The following FGGY variants were observed in gnomAD, a reference collection of about 807,000 sequenced individuals.
FGGY encodes the protein FGGY carbohydrate kinase domain-containing protein.
In FGGY, 72 loss-of-function variants were observed where a neutral mutation model predicts 71.3. That is an observed-to-expected ratio of 1.01 (90% confidence interval 0.84 to 1.23). The LOEUF is 1.23. Ranked by LOEUF, FGGY falls within the 50% of genes most tolerant of loss-of-function variation. The pLI, the probability that FGGY is intolerant of heterozygous loss-of-function variation, is 0.00. For missense variants in FGGY, 668 were observed against 682.3 expected, an observed-to-expected ratio of 0.98 and a Z score of 0.23; for synonymous variants, 251 against 250.3, an observed-to-expected ratio of 1.00 and a Z score of -0.02.
chr1:59,704,383 T>C (rs898279516), intron 14 of FGGY, among the ~76,000 whole-genome samples: 2 of 152,216 alleles, frequency 1.3e-5, no homozygotes, highest in South Asian at 4.1e-4. Flanking sequence ...TAGGAATATA[T>C]AGAGTAAAAG....
chr1:59,330,502 G>T (rs1186019963), intron 2 of FGGY, among the ~76,000 whole-genome samples: 3 of 151,502 alleles, frequency 2.0e-5, no homozygotes, highest in African/African-American at 7.3e-5. Flanking sequence ...CCGGGAGGCG[G>T]AGGTTGCAAT....
intron 5 of FGGY, among the ~76,000 whole-genome samples, chr1:59,419,016 G>A (rs2064969885): frequency 6.6e-6 from 1 of 152,130 alleles, no homozygotes; most frequent in African/African-American, 2.4e-5. Flanking sequence ...TAAGACGTTT[G>A]GTATGGCTGA....
At chr1:59,731,633 G>A (rs2098030675) in intron 14 of FGGY, among the ~76,000 whole-genome samples, 2 of 151,962 alleles carry the variant, frequency 1.3e-5, no homozygotes, top group African/African-American at 4.8e-5. Flanking sequence ...GAGAAGAGGA[G>A]ATGGGGGTGG....
chr1:59,430,624 AG>A (rs2067180204), intron 5 of FGGY, among the ~76,000 whole-genome samples: 1 of 152,092 alleles, frequency 6.6e-6, no homozygotes, highest in South Asian at 2.1e-4. Flanking sequence ...TCTATTCCCT[AG>A]TATGTAGACT....
In FGGY at chr1:59,457,469, T is replaced by G. The variant is rs148310577; in HGVS notation, c.670+393T>G. Among the ~76,000 whole-genome samples the G allele has an allele frequency of 1.6e-3, 237 of 152,204 alleles. 1 individual carries two copies. Among genetic ancestry groups the G allele is most frequent in the African/African-American group, 5.4e-3 (226 of 41,548 alleles). On this transcript the variant is annotated intron_variant, in intron 6 of 15. Coordinates refer to ENST00000303721, the MANE Select transcript of FGGY (RefSeq NM_018291.5). ...TACAAGAAAAATACAAATGTTAGCC[T>G]GGCCTCGTGCATATGTCTGTAGTGT...
chr1:59,692,006 C>A (rs1340173444), intron 14 of FGGY, among the ~76,000 whole-genome samples: 1 of 152,134 alleles, frequency 6.6e-6, no homozygotes, highest in Non-Finnish European at 1.5e-5. Flanking sequence ...ATTCATTCAA[C>A]AAATACCCCC....
intron 1 of FGGY, among the ~76,000 whole-genome samples, chr1:59,317,752 A>T (rs1322533610): frequency 6.6e-6 from 1 of 152,186 alleles, no homozygotes; most frequent in Non-Finnish European, 1.5e-5. Flanking sequence ...AACTATAATA[A>T]TGGGAAAAGT....
intron 4 of FGGY, among the ~76,000 whole-genome samples, chr1:59,366,233 T>G (rs561836915): frequency 6.6e-6 from 1 of 152,342 alleles, no homozygotes; most frequent in African/African-American, 2.4e-5. Flanking sequence ...TTTTGAAAAT[T>G]AAATAAACTA....
At chr1:59,355,549 A>ATTT (rs112884353) in intron 4 of FGGY, among the ~76,000 whole-genome samples, 1 of 147,566 alleles carries the variant, frequency 6.8e-6, no homozygotes, top group African/African-American at 2.5e-5. Context: ...TGAGCAAGGG[A>ATTT]TTTTTTTTTT....
At chr1:59,378,197 A>G (rs1051531301) in intron 4 of FGGY, among the ~76,000 whole-genome samples, 7 of 152,246 alleles carry the variant, frequency 4.6e-5, no homozygotes, top group South Asian at 4.1e-4. Flanking sequence ...TTCATCTTCA[A>G]TTGTAGCTCC....
At chr1:59,343,522 C>G (rs775015903) in intron 3 of FGGY, among the ~76,000 whole-genome samples, 3 of 152,166 alleles carry the variant, frequency 2.0e-5, no homozygotes, top group Non-Finnish European at 4.4e-5. Context: ...CTCCACATTC[C>G]CATGTCTGGT....
At chr1:59,515,397 A>G (rs1053447585) in intron 7 of FGGY, among the ~76,000 whole-genome samples, 1 of 152,124 alleles carries the variant, frequency 6.6e-6, no homozygotes, top group African/African-American at 2.4e-5. Context: ...CTTGTCTCAG[A>G]TGAGACTTTG....
At chr1:59,381,648 TG>T (rs2059467016) in intron 5 of FGGY, among the ~76,000 whole-genome samples, 4 of 151,088 alleles carry the variant, frequency 2.6e-5, no homozygotes, top group African/African-American at 9.8e-5. Context: ...TGTGTGTGTG[TG>T]TGTGTGTGTG....
chr1:59,487,837 C>T (rs1410922284), intron 6 of FGGY, among the ~76,000 whole-genome samples: 5 of 151,978 alleles, frequency 3.3e-5, no homozygotes, highest in African/African-American at 1.2e-4. Flanking sequence ...TCCTCCTCAG[C>T]CCAACTAACT....
intron 4 of FGGY, among the ~76,000 whole-genome samples, chr1:59,369,447 G>A (rs192577463): frequency 0.034 from 5,201 of 152,302 alleles, 215 homozygotes; most frequent in African/African-American, 0.1. Context: ...GCTCAAGGAG[G>A]CCTGCCTGCC....
intron 14 of FGGY, among the ~76,000 whole-genome samples, chr1:59,753,914 T>C (rs1180288650): frequency 6.6e-6 from 1 of 152,194 alleles, no homozygotes; most frequent in Non-Finnish European, 1.5e-5. Flanking sequence ...TTAGATAATA[T>C]AACCTTTATG....
At chr1:59,703,334 A>G (rs1249916651) in intron 14 of FGGY, among the ~76,000 whole-genome samples, 1 of 152,150 alleles carries the variant, frequency 6.6e-6, no homozygotes. Flanking sequence ...CTAAGGTTAA[A>G]TCATTAAGCC....
At chr1:59,575,587 A>G (rs2096063644) in intron 8 of FGGY, among the ~76,000 whole-genome samples, 1 of 152,166 alleles carries the variant, frequency 6.6e-6, no homozygotes, top group Non-Finnish European at 1.5e-5. Context: ...TCTTCAACAT[A>G]TTGTTTGCAT....
chr1:59,589,183 G>A (rs1258690882), intron 8 of FGGY, among the ~76,000 whole-genome samples: 4 of 152,062 alleles, frequency 2.6e-5, no homozygotes, highest in Non-Finnish European at 4.4e-5. Flanking sequence ...AAGATCAAAA[G>A]AGACAAAGAA....
Sources: allele counts gnomAD v4.1 joint callset (sites outside exome capture counted in the v4.1 genomes callset), GRCh38; gene constraint gnomAD v4.1.1; transcripts MANE v1.5; gene names NCBI Gene and HGNC (gene_info 2026-07-23, HGNC 2026-07-21).